TREML2: variants seen among roughly 807,000 people sequenced by gnomAD.
The protein encoded by TREML2 is trem-like transcript 2 protein.
Under a neutral mutation model 25.9 loss-of-function variants are expected in TREML2, and 24 were observed. The observed-to-expected ratio is 0.93, with a 90% CI of 0.67 to 1.30. The LOEUF is 1.30. Among genes scored for constraint, TREML2 ranks in the 50% most tolerant of loss-of-function variants. TREML2 has a pLI of 0.00. For synonymous variants in TREML2, 139 were observed against 155.2 expected, an observed-to-expected ratio of 0.90 and a Z score of 0.77; for missense variants, 359 against 395.6, an observed-to-expected ratio of 0.91 and a Z score of 0.78.
At chr6:41,196,410 C>T (rs1262213772) in intron 2 of TREML2, among the ~76,000 whole-genome samples, 1 of 152,106 alleles carries the variant, frequency 6.6e-6, no homozygotes, top group Non-Finnish European at 1.5e-5. Flanking sequence ...TAACTGGCTG[C>T]CTTTTCCGGG....
At position 41,192,448 on chromosome 6, in the gene TREML2, A is replaced by G. The variant is rs867590760; in HGVS notation, c.945T>C (p.Tyr315=). 2 of 1,613,830 alleles carry G rather than the reference A, an allele frequency of 1.2e-6. No homozygotes were observed. Among genetic ancestry groups the G allele is most frequent in the African/African-American group, 2.7e-5 (2 of 74,900 alleles). ...TRDPPGRPEP[Y]VEVYLI ...GGCCTCAGATCAAGTAGACTTCCAC[A>G]TAGGGCTCTGGTCTTCCAGGTGGGT... Residue 315 remains tyrosine (Y), a synonymous_variant, in exon 5 of 5, where the codon TAT becomes TAC. Transcript: ENST00000483722.
chr6:41,194,721 A>T lies in TREML2; in HGVS notation c.489T>A (p.Thr163=), dbSNP rs749299214. The T allele has an allele frequency of 1.1e-5, 18 of 1,613,940 alleles. No homozygotes were observed. The African/African-American group carries it at 2.4e-4, about 22-fold the overall frequency. The change falls in exon 3 of 5, where the codon ACT becomes ACA. Residue 163 remains threonine, a synonymous_variant. Coordinates refer to ENST00000483722, the MANE Select transcript of TREML2 (RefSeq NM_024807.4). ...GTCCTGGGGTGAACACCATCACACCAGTGGTAAAAGGGGCATCAGGGCCTG... is the reference window on the plus strand; with the variant it reads ...GTCCTGGGGTGAACACCATCACACCTGTGGTAAAAGGGGCATCAGGGCCTG... The part of the protein sequence containing the change: ...PTSGPDAPFT[T]GVMVFTPGLI...
At chr6:41,192,653 G>T in intron 4 of TREML2, 147 bp from the exon 5 acceptor site, 2 of 1,123,046 alleles carry the variant, frequency 1.8e-6, no homozygotes, top group Non-Finnish European at 2.6e-6. Flanking sequence ...TCTCCGCCTG[G>T]CCGCCCTCCT....
At position 41,190,594 on chromosome 6, in the gene TREML2, T is replaced by C. The variant is rs929106913; in HGVS notation, c.*1833A>G. ...AAAAATGAGGCCAAGGGTTAGTGAC[T>C]TGCTGAGGGTCACACAGTGACAGAG... On this transcript the variant is annotated 3_prime_UTR_variant, in exon 5 of 5. Transcript: ENST00000483722. 6.6e-6 allele frequency: 1 copy of C among 152,256 alleles called. No individual in the cohort carries two copies. Among genetic ancestry groups the C allele is most frequent in the Admixed American group, 6.5e-5 (1 of 15,280 alleles). The allele number at this position is 152,256 out of a possible 1,614,324, so 9.4% of individuals were successfully genotyped here.
chr6:41,198,311 G>T lies in TREML2; in HGVS notation c.174C>A (p.Ile58=). ...AGCCAGGCTCACACTTCTTCTTCCT[G>T]ATTTTGCACCAAACCTTGCCCTCCA... The part of the protein sequence containing the change: ...NRVEGKVWCK[I]RKKKCEPGFA... The change falls in exon 2 of 5, where the codon ATC becomes ATA. Residue 58 remains isoleucine (I), a synonymous_variant. Coordinates refer to ENST00000483722, the MANE Select transcript of TREML2 (RefSeq NM_024807.4). 1 of 1,614,210 alleles carries T rather than the reference G, an allele frequency of 6.2e-7. No individual in the cohort carries two copies. Among genetic ancestry groups the T allele is most frequent in the Non-Finnish European group, 8.5e-7 (1 of 1,180,044 alleles).
rs929653058 is a variant in TREML2, at chr6:41,190,025, G to A, written c.*2402C>T. On this transcript the variant is annotated 3_prime_UTR_variant, in exon 5 of 5. Transcript: ENST00000483722. ...GGATGAAATTTTCCATTGCAGGCAT[G>A]TTTGGGCAAGTCACCTGTGTAGTCT... is the stretch of plus-strand genomic sequence containing the variant. 1.3e-5 allele frequency among the ~76,000 whole-genome samples: 2 copies of A among 152,140 alleles called. No homozygotes were observed. The highest frequency in any genetic ancestry group is 4.8e-5 in the African/African-American group (2 of 41,426).
intron 3 of TREML2, 83 bp downstream of exon 3, chr6:41,194,342 G>C: frequency 7.2e-7 from 1 of 1,379,590 alleles, no homozygotes; most frequent in Non-Finnish European, 9.7e-7. Flanking sequence ...AGCAAAAGGG[G>C]AAGGTCAGAT....
Position 41,201,118 on chromosome 6 carries a change from G to A in TREML2, c.-110C>T, listed in dbSNP as rs1240250667. 3 of 1,283,562 alleles carry A rather than the reference G, an allele frequency of 2.3e-6. No individual in the cohort carries two copies. The highest frequency in any genetic ancestry group is 3.4e-5 in the Admixed American group (2 of 59,240). The allele number at this position is 1,283,562 out of a possible 1,614,324, so 79.5% of individuals were successfully genotyped here. A position where few individuals can be genotyped will look rare whatever the true frequency, so the allele number is the denominator to read the frequency against. On this transcript the variant is annotated 5_prime_UTR_variant, in exon 1 of 5. Transcript: ENST00000483722. Reference sequence around the variant, plus strand: ...GGGAAGGACCCGGGGTTCTAAAAGTGAAGCTGCCCATTTAGGGAAGTGAGG... The same window carrying A: ...GGGAAGGACCCGGGGTTCTAAAAGTAAAGCTGCCCATTTAGGGAAGTGAGG...
chr6:41,200,050 A>C (rs938232119), intron 1 of TREML2, among the ~76,000 whole-genome samples: 1 of 152,194 alleles, frequency 6.6e-6, no homozygotes, highest in Non-Finnish European at 1.5e-5. Flanking sequence ...GTGACAGTCA[A>C]GGGCCCAGAA....
intron 2 of TREML2, among the ~76,000 whole-genome samples, chr6:41,195,079 T>G (rs1228811175): frequency 1.3e-5 from 2 of 152,148 alleles, no homozygotes; most frequent in Admixed American, 6.5e-5. Context: ...TCTTTTTCCC[T>G]CCCGTGTCAG....
chr6:41,194,835 T>C lies in TREML2; in HGVS notation c.377-2A>G. 6.4e-7 allele frequency: 1 copy of C among 1,552,078 alleles called. No individual in the cohort carries two copies. Among genetic ancestry groups the C allele is most frequent in the Non-Finnish European group, 8.7e-7 (1 of 1,145,988 alleles). On this transcript the variant is annotated splice_acceptor_variant, in intron 2 of 4. Transcript: ENST00000483722. LOFTEE classifies it high-confidence loss of function. ...GAATGTTCCTCTCAGTTTGGGGAGC[T>C]GAAAGACAGAAAGGGAGGAACGTTA...
chr6:41,194,433 G>C lies in TREML2; in HGVS notation c.777C>G (p.Pro259=). 2 of 1,567,262 alleles carry C rather than the reference G, an allele frequency of 1.3e-6. No homozygotes were observed. The highest frequency in any genetic ancestry group is 1.7e-6 in the Non-Finnish European group (2 of 1,154,986). Residue 259 remains proline, a synonymous_variant, in exon 3 of 5, where the codon CCC becomes CCG. Transcript: ENST00000483722. ...RSLLNRLPSM[P]SIRHQDVYST... ...CCAGGCCCCACAGGTACCTGATGGA[G>C]GGCATGGAGGGTAGTCTGTTGAGGA... is the stretch of plus-strand genomic sequence containing the variant.
chr6:41,198,967 A>G (rs1045722744), intron 1 of TREML2, among the ~76,000 whole-genome samples: 60 of 152,334 alleles, frequency 3.9e-4, no homozygotes, highest in Non-Finnish European at 1.8e-4. Flanking sequence ...GGTTCAAACT[A>G]TTCTCCTGCC....
chr6:41,198,732 A>G (rs1766223281), intron 1 of TREML2, among the ~76,000 whole-genome samples: 1 of 152,196 alleles, frequency 6.6e-6, no homozygotes, highest in African/African-American at 2.4e-5. Context: ...CTAATGGAGG[A>G]AACGCAGCAT....
rs1193538967 is a variant in TREML2, at chr6:41,192,256, G to A, written c.*171C>T. 1.1e-5 allele frequency: 7 copies of A among 628,232 alleles called. No individual in the cohort carries two copies. The highest frequency in any genetic ancestry group is 1.7e-5 in the Non-Finnish European group (6 of 347,096). The allele number at this position is 628,232 out of a possible 1,614,324, so 38.9% of individuals were successfully genotyped here. On this transcript the variant is annotated 3_prime_UTR_variant, in exon 5 of 5. Transcript: ENST00000483722. Reference sequence around the variant, plus strand: ...TTCCTGCCCCCAAGGAGAACACTGGGCTGTGGGGCTGCTTAGGATGGCAGC... The same window carrying A: ...TTCCTGCCCCCAAGGAGAACACTGGACTGTGGGGCTGCTTAGGATGGCAGC...
Position 41,194,601 on chromosome 6 carries a change from CCTGGGTCCCTGG to C in TREML2, c.597_608del (p.Ser199_Pro202del), listed in dbSNP as rs1561889163. The C allele has an allele frequency of 6.2e-7, 1 of 1,614,068 alleles. No homozygotes were observed. Among genetic ancestry groups the C allele is most frequent in the African/African-American group, 1.3e-5 (1 of 75,034 alleles). On this transcript the variant is annotated inframe_deletion, in exon 3 of 5. Coordinates refer to ENST00000483722, the MANE Select transcript of TREML2 (RefSeq NM_024807.4). Reference sequence around the variant, plus strand: ...TCACTGTCTGGGACCCCATGGTCCTCCTGGGTCCCTGGCTGGTGGTGCTGGTAGCAGTGAAGC... The same window carrying C: ...TCACTGTCTGGGACCCCATGGTCCTCCTGGTGGTGCTGGTAGCAGTGAAGC...
chr6:41,195,813 T>G (rs184025005), intron 2 of TREML2, among the ~76,000 whole-genome samples: 1 of 152,316 alleles, frequency 6.6e-6, no homozygotes, highest in African/African-American at 2.4e-5. Flanking sequence ...GGGAAAGCAT[T>G]CCTACAACAC....
At position 41,190,212 on chromosome 6, in the gene TREML2, C is replaced by T. The variant is rs1366864522; in HGVS notation, c.*2215G>A. ...CCTGACTGGTTTCTTCCTTTCTCCT[C>T]TCTCACTCCTTCTCCAGATGAGGAA... is the stretch of plus-strand genomic sequence containing the variant. On this transcript the variant is annotated 3_prime_UTR_variant, in exon 5 of 5. Coordinates refer to ENST00000483722, the MANE Select transcript of TREML2 (RefSeq NM_024807.4). The T allele has an allele frequency of 6.6e-6, 1 of 152,076 alleles. No homozygotes were observed. The highest frequency in any genetic ancestry group is 1.5e-5 in the Non-Finnish European group (1 of 68,026). 9.4% of individuals were successfully genotyped at this position (152,076 alleles called of 1,614,324 possible). A position where few individuals can be genotyped will look rare whatever the true frequency, so the allele number is the denominator to read the frequency against.
intron 1 of TREML2, among the ~76,000 whole-genome samples, chr6:41,200,419 G>A (rs1766253764): frequency 6.6e-6 from 1 of 152,152 alleles, no homozygotes; most frequent in Non-Finnish European, 1.5e-5. Flanking sequence ...GAACTGAACA[G>A]GAAGTGGTAA....
Sources: allele counts gnomAD v4.1 joint callset (sites outside exome capture counted in the v4.1 genomes callset), GRCh38; gene constraint gnomAD v4.1.1; transcripts MANE v1.5; gene names NCBI Gene and HGNC (gene_info 2026-07-23, HGNC 2026-07-21).